Variants in ASIC2 observed in about 807,000 individuals in gnomAD.
The protein encoded by ASIC2 is acid-sensing ion channel 2.
A neutral mutation model predicts 57.3 loss-of-function variants in ASIC2; 25 were observed. The ratio of observed to expected loss-of-function variants is 0.44; its 90% confidence interval spans 0.32 to 0.61. The LOEUF is 0.61. Ranked by LOEUF, ASIC2 falls within the 20% of genes least tolerant of loss-of-function variation. The probability of loss-of-function intolerance (pLI) is 0.06; values close to 1 mark genes in which losing one functional copy is unlikely to be tolerated. For synonymous variants in ASIC2, 319 were observed against 307.5 expected, an observed-to-expected ratio of 1.04 and a Z score of -0.39; for missense variants, 641 against 738.1, an observed-to-expected ratio of 0.87 and a Z score of 1.52.
chr17:33,213,764 G>C (rs754646496), intron 1 of ASIC2, among the ~76,000 whole-genome samples: 3 of 152,074 alleles, frequency 2.0e-5, no homozygotes, highest in Non-Finnish European at 4.4e-5. Flanking sequence ...CCGATTCTTA[G>C]TTTGTGTCTC....
intron 1 of ASIC2, among the ~76,000 whole-genome samples, chr17:34,086,868 CTT>C (rs1287914000): frequency 6.6e-6 from 1 of 152,038 alleles, no homozygotes; most frequent in African/African-American, 2.4e-5. Context: ...CAACACCTGC[CTT>C]TTTTTGTTTT....
chr17:33,314,576 G>T (rs546523564), intron 1 of ASIC2, among the ~76,000 whole-genome samples: 84 of 152,242 alleles, frequency 5.5e-4, no homozygotes, highest in Middle Eastern at 3.4e-3. Flanking sequence ...GAAAGTAGGG[G>T]TTTATTATAT....
chr17:33,713,583 C>T (rs1279057385), intron 1 of ASIC2, among the ~76,000 whole-genome samples: 1 of 152,154 alleles, frequency 6.6e-6, no homozygotes, highest in Non-Finnish European at 1.5e-5. Context: ...AATTCAGGAC[C>T]CACTCTAATT....
chr17:33,421,928 C>T (rs142262648), intron 1 of ASIC2, among the ~76,000 whole-genome samples: 8 of 152,348 alleles, frequency 5.3e-5, no homozygotes, highest in East Asian at 1.9e-4. Context: ...ACCAAGCACA[C>T]GTTGCTTCCT....
chr17:33,333,666 A>C (rs1235674296), intron 1 of ASIC2, among the ~76,000 whole-genome samples: 1 of 152,202 alleles, frequency 6.6e-6, no homozygotes, highest in Non-Finnish European at 1.5e-5. Context: ...TAATAAAATA[A>C]GCTTTATTAT....
chr17:33,931,859 G>A lies in ASIC2; in HGVS notation c.555+224119C>T, dbSNP rs150665969. Among the ~76,000 whole-genome samples, 69 of 152,298 alleles carry A rather than the reference G, an allele frequency of 4.5e-4. 1 individual carries two copies. Among genetic ancestry groups the A allele is most frequent in the African/African-American group, 1.6e-3 (68 of 41,552 alleles). On this transcript the variant is annotated intron_variant, in intron 1 of 9. Transcript: ENST00000359872. ...ACTCAAAACTGCATGGGGAATGAGCGCTGTTCGGCCGTTCTCAACATTTCC... is the reference window on the plus strand; with the variant it reads ...ACTCAAAACTGCATGGGGAATGAGCACTGTTCGGCCGTTCTCAACATTTCC...
chr17:33,769,009 C>A (rs543109457), intron 1 of ASIC2, among the ~76,000 whole-genome samples: 5 of 152,286 alleles, frequency 3.3e-5, no homozygotes, highest in Admixed American at 2.0e-4. Context: ...AAAAAAAATT[C>A]TCCACCCTCA....
chr17:34,131,550 C>G (rs571288033), intron 1 of ASIC2, among the ~76,000 whole-genome samples: 28 of 152,320 alleles, frequency 1.8e-4, no homozygotes, highest in African/African-American at 6.3e-4. Context: ...CTGAGCAAAG[C>G]CAGCCCTGAC....
upstream of ASIC2, among the ~76,000 whole-genome samples, chr17:33,295,530 G>C (rs57582904): frequency 1.1e-4 from 16 of 152,270 alleles, no homozygotes; most frequent in East Asian, 3.1e-3. Flanking sequence ...AGACAAACTT[G>C]GGTCATGTTT....
At chr17:33,088,122 G>A (rs1319725742) in intron 3 of ASIC2, among the ~76,000 whole-genome samples, 1 of 152,156 alleles carries the variant, frequency 6.6e-6, no homozygotes, top group Non-Finnish European at 1.5e-5. Context: ...ATCTGGTTTA[G>A]GATTCCCTCC....
chr17:33,116,024 C>G (rs1221528793), intron 1 of ASIC2, among the ~76,000 whole-genome samples: 1 of 152,156 alleles, frequency 6.6e-6, no homozygotes, highest in Non-Finnish European at 1.5e-5. Flanking sequence ...TCACTTCCCA[C>G]CTAATTGGAC....
chr17:33,202,824 T>C (rs1036806765), intron 1 of ASIC2, among the ~76,000 whole-genome samples: 3 of 152,168 alleles, frequency 2.0e-5, no homozygotes, highest in East Asian at 1.9e-4. Flanking sequence ...GTGACCTTCA[T>C]TGGCCTCTCT....
At chr17:33,687,778 C>A (rs1908241454) in intron 1 of ASIC2, among the ~76,000 whole-genome samples, 1 of 152,174 alleles carries the variant, frequency 6.6e-6, no homozygotes, top group South Asian at 2.1e-4. Context: ...CAGCCCAAGC[C>A]TCTCTAATGA....
chr17:34,039,510 C>A, intron 1 of ASIC2: 1 of 1,613,778 alleles, frequency 6.2e-7, no homozygotes, highest in South Asian at 1.1e-5. Flanking sequence ...CTACTCGTCG[C>A]GGTAAGGGAT....
At chr17:33,161,857 G>GTTTTTTTTTTTTTTTTTTTT (rs199823485) in intron 1 of ASIC2, among the ~76,000 whole-genome samples, 1 of 94,200 alleles carries the variant, frequency 1.1e-5, no homozygotes, top group Non-Finnish European at 2.1e-5. Context: ...GAATTCCTAG[G>GTTTTTTTTTTTTTTTTTTTT]TTTTTTTTTT....
chr17:33,025,686 C>T (rs1413161412), intron 5 of ASIC2, among the ~76,000 whole-genome samples: 2 of 152,036 alleles, frequency 1.3e-5, no homozygotes, highest in Non-Finnish European at 2.9e-5. Context: ...ATCTCTTTCT[C>T]TCCCCAGTCC....
intron 1 of ASIC2, among the ~76,000 whole-genome samples, chr17:33,918,970 G>A (rs1445393987): frequency 6.6e-6 from 1 of 152,180 alleles, no homozygotes; most frequent in African/African-American, 2.4e-5. Flanking sequence ...GGGTCGTGAT[G>A]GGCAGTCTAT....
intron 1 of ASIC2, chr17:34,082,089 C>G (rs1909906748): frequency 6.6e-6 from 1 of 152,182 alleles, no homozygotes; most frequent in South Asian, 2.1e-4. Flanking sequence ...CTCATACTTT[C>G]ATCCACGAAT....
intron 1 of ASIC2, among the ~76,000 whole-genome samples, chr17:33,602,300 C>T (rs577013810): frequency 8.5e-5 from 13 of 152,286 alleles, no homozygotes; most frequent in South Asian, 4.2e-4. Flanking sequence ...CTTAATGCAA[C>T]GGTGTTGAGA....
Sources: allele counts gnomAD v4.1 joint callset (sites outside exome capture counted in the v4.1 genomes callset), GRCh38; gene constraint gnomAD v4.1.1; transcripts MANE v1.5; gene names NCBI Gene and HGNC (gene_info 2026-07-23, HGNC 2026-07-21).